The following VRK2 variants were observed in gnomAD, a reference collection of about 807,000 sequenced individuals.
VRK2 encodes the protein serine/threonine-protein kinase VRK2.
Under a neutral mutation model 57.6 loss-of-function variants are expected in VRK2, and 60 were observed. That is an observed-to-expected ratio of 1.04 (90% confidence interval 0.85 to 1.29). The LOEUF (loss-of-function observed/expected upper bound fraction) is 1.29. Ranked by LOEUF, VRK2 falls within the 50% of genes most tolerant of loss-of-function variation. The pLI is 0.00. For synonymous variants in VRK2, 231 were observed against 199.2 expected (o/e 1.16, Z -1.35); for missense variants, 705 against 588.1 (o/e 1.20, Z -2.06).
chr2:58,158,505 G>A (rs1684374399), intron 12 of VRK2, among the ~76,000 whole-genome samples: 1 of 152,102 alleles, frequency 6.6e-6, no homozygotes. Context: ...GGTTGAGAAG[G>A]TAGTAGCTAT....
intron 1 of VRK2, among the ~76,000 whole-genome samples, chr2:57,977,226 T>C (rs1295713458): frequency 6.6e-6 from 1 of 152,162 alleles, no homozygotes. Context: ...AAATGAATTA[T>C]AGAATCATTT....
intron 1 of VRK2, among the ~76,000 whole-genome samples, chr2:57,971,248 A>G (rs1260528904): frequency 6.6e-6 from 1 of 152,026 alleles, no homozygotes; most frequent in Non-Finnish European, 1.5e-5. Flanking sequence ...TCCTAGTGGG[A>G]TAACATAGTA....
chr2:57,989,341 T>C (rs1258344864), intron 1 of VRK2, among the ~76,000 whole-genome samples: 2 of 152,250 alleles, frequency 1.3e-5, no homozygotes, highest in African/African-American at 4.8e-5. Context: ...AAGCCTGCCA[T>C]CTTGACAAAG....
intron 9 of VRK2, among the ~76,000 whole-genome samples, chr2:58,134,619 A>AAAAAACAAAACAAAAC (rs1210410761): frequency 6.9e-6 from 1 of 144,450 alleles, no homozygotes; most frequent in African/African-American, 2.5e-5. Context: ...CTCCGTCTCA[A>AAAAAACAAAACAAAAC]AAAAAAAAAA....
At chr2:57,938,712 G>T (rs544499652) in intron 1 of VRK2, among the ~76,000 whole-genome samples, 1 of 152,144 alleles carries the variant, frequency 6.6e-6, no homozygotes, top group Admixed American at 6.6e-5. Context: ...AACAGAAGTT[G>T]TCACATATCT....
chr2:58,093,575 G>A (rs528588645), intron 7 of VRK2, among the ~76,000 whole-genome samples: 4 of 152,344 alleles, frequency 2.6e-5, no homozygotes, highest in Non-Finnish European at 5.9e-5. Flanking sequence ...TCCTTTGTCA[G>A]ATGAGTAGGT....
intron 2 of VRK2, among the ~76,000 whole-genome samples, chr2:58,072,191 A>T (rs10188070): frequency 1.3e-5 from 2 of 151,736 alleles, no homozygotes; most frequent in African/African-American, 4.8e-5. Flanking sequence ...TGGATTTTCA[A>T]TGTATAAGAT....
intron 11 of VRK2, among the ~76,000 whole-genome samples, chr2:58,145,893 A>G (rs1682043290): frequency 6.6e-6 from 1 of 151,892 alleles, no homozygotes; most frequent in African/African-American, 2.4e-5. Flanking sequence ...TGTCCTTGCG[A>G]TAGTTTGCTC....
intron 1 of VRK2, among the ~76,000 whole-genome samples, chr2:57,978,140 G>T (rs918305780): frequency 6.6e-6 from 1 of 150,834 alleles, no homozygotes; most frequent in East Asian, 1.9e-4. Context: ...TACAAAAAAA[G>T]GACTTAATGG....
chr2:57,958,833 G>T (rs1398443983), intron 1 of VRK2, among the ~76,000 whole-genome samples: 2 of 152,122 alleles, frequency 1.3e-5, no homozygotes, highest in Non-Finnish European at 2.9e-5. Flanking sequence ...CAGTAACACT[G>T]ATATTTATTA....
intron 1 of VRK2, among the ~76,000 whole-genome samples, chr2:58,019,332 T>C (rs1159898637): frequency 6.6e-6 from 1 of 152,190 alleles, no homozygotes; most frequent in Non-Finnish European, 1.5e-5. Flanking sequence ...CCGCTTTTTT[T>C]TAGGAAATTC....
intron 7 of VRK2, among the ~76,000 whole-genome samples, chr2:58,122,231 C>T (rs537525095): frequency 6.6e-6 from 1 of 152,244 alleles, no homozygotes; most frequent in African/African-American, 2.4e-5. Context: ...TTAAAGGAGA[C>T]TCATAACATT....
At chr2:58,094,739 T>C (rs1212000546) in intron 7 of VRK2, among the ~76,000 whole-genome samples, 1 of 152,194 alleles carries the variant, frequency 6.6e-6, no homozygotes, top group Non-Finnish European at 1.5e-5. Context: ...ATATCTTTGC[T>C]TCAGTAATAT....
intron 12 of VRK2, among the ~76,000 whole-genome samples, chr2:58,152,816 C>G (rs1291147743): frequency 1.3e-5 from 2 of 151,896 alleles, no homozygotes; most frequent in Non-Finnish European, 2.9e-5. Context: ...CTTACCTACC[C>G]TTTCACCCAA....
At chr2:57,969,496 T>C (rs1252759453) in intron 1 of VRK2, among the ~76,000 whole-genome samples, 3 of 151,986 alleles carry the variant, frequency 2.0e-5, no homozygotes, top group East Asian at 3.8e-4. Flanking sequence ...TTAGGAATAT[T>C]TATATATCTA....
At chr2:57,947,421 A>G (rs1012408701) in intron 1 of VRK2, among the ~76,000 whole-genome samples, 1 of 152,204 alleles carries the variant, frequency 6.6e-6, no homozygotes, top group Admixed American at 6.5e-5. Context: ...TACTCTAGGA[A>G]CATGTTTCAT....
At chr2:58,015,641 T>A (rs1368626215) in intron 1 of VRK2, among the ~76,000 whole-genome samples, 1 of 152,136 alleles carries the variant, frequency 6.6e-6, no homozygotes, top group Non-Finnish European at 1.5e-5. Flanking sequence ...GTATAAAAAA[T>A]AAAATTTATT....
At chr2:58,109,123 T>C (rs1675183119) in intron 7 of VRK2, among the ~76,000 whole-genome samples, 1 of 152,164 alleles carries the variant, frequency 6.6e-6, no homozygotes, top group African/African-American at 2.4e-5. Context: ...CACTCAGGTA[T>C]CTGTTAAAAA....
chr2:57,942,090 A>G (rs1671113859), intron 1 of VRK2, among the ~76,000 whole-genome samples: 1 of 152,226 alleles, frequency 6.6e-6, no homozygotes, highest in Non-Finnish European at 1.5e-5. Context: ...AGCAGATTTT[A>G]AAGCACTAAT....
Sources: allele counts gnomAD v4.1 joint callset (sites outside exome capture counted in the v4.1 genomes callset), GRCh38; gene constraint gnomAD v4.1.1; transcripts MANE v1.5; gene names NCBI Gene and HGNC (gene_info 2026-07-23, HGNC 2026-07-21).